GJB1: variants seen among roughly 807,000 people sequenced by gnomAD.
GJB1 encodes gap junction beta-1 protein.
A neutral mutation model predicts 12.0 loss-of-function variants in GJB1; 1 was observed. The observed-to-expected ratio is 0.08, with a 90% CI of 0.03 to 0.40. The LOEUF is 0.40. Ranked by LOEUF, GJB1 falls within the 10% of genes least tolerant of loss-of-function variation. GJB1 has a pLI of 0.98. For synonymous variants in GJB1, 114 were observed against 102.8 expected (o/e 1.11, Z -0.66); for missense variants, 140 against 250.3 (o/e 0.56, Z 2.97).
At chrX:71,215,823 A>C (rs771359880) in intron 1 of GJB1, among the ~76,000 whole-genome samples, 1 of 110,884 alleles carries the variant, frequency 9.0e-6, no homozygotes, top group East Asian at 2.8e-4. Flanking sequence ...ACTTTCTTGA[A>C]GGAGGCAGAC....
chrX:71,224,038 C>T lies in GJB1; in HGVS notation c.331C>T (p.His111Tyr). 1 of 1,202,659 alleles carries T rather than the reference C, an allele frequency of 8.3e-7. No homozygotes were observed. Among genetic ancestry groups the T allele is most frequent in the Non-Finnish European group, 1.1e-6 (1 of 890,256 alleles). ...GAAGAAAATGCTACGGCTTGAGGGC[C>T]ATGGGGACCCCCTACACCTGGAGGA... ...IEKKMLRLEG[H>Y]GDPLHLEEVK... Residue 111 changes from histidine to tyrosine, a missense_variant, in exon 2 of 2, where the codon CAT becomes TAT. His to Tyr is a moderately conservative substitution (Grantham distance 83). This residue lies in a region of GJB1 where 49 missense variants were observed against 104.5 expected (regional missense o/e 0.47). Coordinates refer to ENST00000361726, the MANE Select transcript of GJB1 (RefSeq NM_000166.6).
chrX:71,223,950 C>T lies in GJB1; in HGVS notation c.243C>T (p.Leu81=), dbSNP rs759903044. 8.3e-7 allele frequency: 1 copy of T among 1,205,048 alleles called. No individual in the cohort carries two copies. Residue 81 remains leucine, a synonymous_variant, in exon 2 of 2, where the codon CTC becomes CTT. Coordinates refer to ENST00000361726, the MANE Select transcript of GJB1 (RefSeq NM_000166.6). ...ISHVRLWSLQ[L]ILVSTPALLV... ...ATGTGCGGCTGTGGTCCCTGCAGCT[C>T]ATCCTAGTTTCCACCCCAGCTCTCC...
At chrX:71,223,627 T>A (rs961691232) in intron 1 of GJB1, 65 bp from the exon 2 acceptor site, 65 of 1,077,108 alleles carry the variant, frequency 6.0e-5, no homozygotes, top group Non-Finnish European at 7.9e-5. Flanking sequence ...GCGCAGGCAG[T>A]GCTATGGCGC....
chrX:71,220,329 CTT>C (rs761096014), upstream of GJB1, among the ~76,000 whole-genome samples: 3 of 92,756 alleles, frequency 3.2e-5, no homozygotes, highest in Admixed American at 1.2e-4. Context: ...TGTGCCCGGC[CTT>C]TTTTTTTTTT....
upstream of GJB1, among the ~76,000 whole-genome samples, chrX:71,220,516 G>A (rs1028376526): frequency 3.8e-5 from 4 of 104,401 alleles, no homozygotes; most frequent in Non-Finnish European, 7.7e-5. Context: ...TTGTTTGTTC[G>A]TCTTTTCCGA....
chrX:71,223,923 C>G lies in GJB1; in HGVS notation c.216C>G (p.Ser72=). 1 of 1,207,354 alleles carries G rather than the reference C, an allele frequency of 8.3e-7. No individual in the cohort carries two copies. Among genetic ancestry groups the G allele is most frequent in the Middle Eastern group, 2.3e-4 (1 of 4,349 alleles). Residue 72 remains serine (S), a synonymous_variant, in exon 2 of 2, where the codon TCC becomes TCG. Coordinates refer to ENST00000361726, the MANE Select transcript of GJB1 (RefSeq NM_000166.6). ...GCTATGACCAATTCTTCCCCATCTCCCATGTGCGGCTGTGGTCCCTGCAGC... is the reference window on the plus strand; with the variant it reads ...GCTATGACCAATTCTTCCCCATCTCGCATGTGCGGCTGTGGTCCCTGCAGC... The part of the protein sequence containing the change: ...SVCYDQFFPI[S]HVRLWSLQLI...
At chrX:71,223,428 G>C (rs943524261) in intron 1 of GJB1, 93 bp downstream of exon 1, 1 of 421,915 alleles carries the variant, frequency 2.4e-6, no homozygotes, top group Non-Finnish European at 4.2e-6. Context: ...GAACAAGATG[G>C]GCTTGGCAAA....
At chrX:71,220,524 C>T (rs1489262861), upstream of GJB1, among the ~76,000 whole-genome samples, 9 of 106,679 alleles carry the variant, frequency 8.4e-5, no homozygotes, top group Admixed American at 5.2e-4. Flanking sequence ...TCGTCTTTTC[C>T]GAGACGGAGT....
chrX:71,225,503 C>T lies in GJB1; in HGVS notation c.*944C>T. The T allele has an allele frequency of 8.0e-6, 1 of 124,561 alleles. No homozygotes were observed. The allele number at this position is 124,561 out of a possible 1,213,427, so 10.3% of individuals were successfully genotyped here. A position where few individuals can be genotyped will look rare whatever the true frequency, so the allele number is the denominator to read the frequency against. On this transcript the variant is annotated 3_prime_UTR_variant, in exon 2 of 2. Transcript: ENST00000361726. ...CTGATTTTGAAAAGATTAAAAATGACAACTCCCTCTGAAGAGACAAGAAAT... is the reference window on the plus strand; with the variant it reads ...CTGATTTTGAAAAGATTAAAAATGATAACTCCCTCTGAAGAGACAAGAAAT...
upstream of GJB1, among the ~76,000 whole-genome samples, chrX:71,222,363 C>A (rs1437515281): frequency 9.3e-6 from 1 of 108,035 alleles, no homozygotes; most frequent in Non-Finnish European, 1.9e-5. Context: ...ATTCTCCCAC[C>A]CAGCAGCTGG....
At chrX:71,220,713 G>A (rs181445551), upstream of GJB1, among the ~76,000 whole-genome samples, 1,067 of 100,545 alleles carry the variant, frequency 0.011, 5 homozygotes, top group Middle Eastern at 0.017. Context: ...CACCATGTTG[G>A]TCAGGCTGGA....
At chrX:71,220,614 C>CTCCT (rs1165665537), upstream of GJB1, among the ~76,000 whole-genome samples, 3 of 109,794 alleles carry the variant, frequency 2.7e-5, no homozygotes, top group Admixed American at 3.0e-4. Flanking sequence ...TCTAACAATT[C>CTCCT]TCCTGCCTCA....
upstream of GJB1, among the ~76,000 whole-genome samples, chrX:71,221,606 G>T (rs1036927343): frequency 6.3e-5 from 7 of 110,986 alleles, no homozygotes; most frequent in Non-Finnish European, 1.3e-4. Context: ...ACCTCCTATG[G>T]TCCAGGGCTG....
At position 71,217,139 on chromosome X, in the gene GJB1, T is replaced by TGTGTGTGC. The variant is rs1491575067; in HGVS notation, c.-17+1869_-17+1870insTGTGTGCG. 1.6e-4 allele frequency among the ~76,000 whole-genome samples: 17 copies of TGTGTGTGC among 106,684 alleles called. No individual in the cohort carries two copies. The East Asian group carries it at 1.7e-3, about 11-fold the overall frequency. 92.6% of individuals were successfully genotyped at this position (106,684 alleles called of 115,157 possible). A position where few individuals can be genotyped will look rare whatever the true frequency, so the allele number is the denominator to read the frequency against. On this transcript the variant is annotated intron_variant, in intron 1 of 1. Transcript: ENST00000374029. ...GTGTGTGTGTGTGTGTGTGTGTGTGTGCGTGTGCCAGCACACGCAGGAAAG... is the reference window on the plus strand; with the variant it reads ...GTGTGTGTGTGTGTGTGTGTGTGTGTGTGTGTGCGCGTGTGCCAGCACACGCAGGAAAG...
chrX:71,218,964 G>A (rs2092531048), upstream of GJB1, among the ~76,000 whole-genome samples: 1 of 109,448 alleles, frequency 9.1e-6, no homozygotes, highest in Non-Finnish European at 1.9e-5. Context: ...CTGACTATGT[G>A]ACTCTTAGAT....
intron 1 of GJB1, among the ~76,000 whole-genome samples, chrX:71,215,713 C>T (rs890389750): frequency 9.0e-6 from 1 of 111,492 alleles, no homozygotes; most frequent in East Asian, 2.8e-4. Context: ...GCAAGCCAGG[C>T]ATGCACCCAA....
chrX:71,223,647 C>T, intron 1 of GJB1, 45 bp from the exon 2 acceptor site: 1 of 1,191,838 alleles, frequency 8.4e-7, no homozygotes, highest in Non-Finnish European at 1.1e-6. Flanking sequence ...CCCGACTTTC[C>T]ACCCCAGCTT....
intron 1 of GJB1, among the ~76,000 whole-genome samples, chrX:71,215,727 G>A (rs891382894): frequency 2.7e-5 from 3 of 111,649 alleles, no homozygotes; most frequent in African/African-American, 9.8e-5. Context: ...CACCCAACAC[G>A]GGGCTGCGAG....
At position 71,224,793 on chromosome X, in the gene GJB1, T is replaced by G; in HGVS notation, c.*234T>G. 2.2e-6 allele frequency: 1 copy of G among 446,364 alleles called. No individual in the cohort carries two copies. The highest frequency in any genetic ancestry group is 3.8e-5 in the East Asian group (1 of 26,388). 36.8% of individuals were successfully genotyped at this position (446,364 alleles called of 1,213,427 possible). On this transcript the variant is annotated 3_prime_UTR_variant, in exon 2 of 2. Transcript: ENST00000361726. ...TTACTGGGAGTGTGGGCTGCCCTTG[T>G]TGCCTGCACCCTTCCCTCTTCCCTC... is the stretch of plus-strand genomic sequence containing the variant.
Sources: gnomAD v4.1 joint callset for allele counts (sites outside exome capture counted in the v4.1 genomes callset) on GRCh38, gnomAD v4.1.1 for gene constraint, gnomAD v4.1.1 regional missense constraint, MANE v1.5 for transcripts, NCBI Gene and HGNC (gene_info 2026-07-23, HGNC 2026-07-21) for gene names.